WSCD1: variants seen among roughly 807,000 people sequenced by gnomAD.
WSCD1 encodes WSC domain sialate O sulfotransferase 1.
Under a neutral mutation model 60.4 loss-of-function variants are expected in WSCD1, and 41 were observed. That is an observed-to-expected ratio of 0.68 (90% CI 0.53 to 0.88). The LOEUF (loss-of-function observed/expected upper bound fraction) is 0.88, where lower values mean the gene tolerates loss of function less well. WSCD1 is among the 40% of genes least tolerant of loss of function. The pLI, the probability that WSCD1 is intolerant of heterozygous loss-of-function variation, is 0.00. For synonymous variants in WSCD1, 361 were observed against 332.5 expected (o/e 1.09, Z -0.93); for missense variants, 784 against 796.2 (o/e 0.98, Z 0.18).
At chr17:6,081,947 C>G (rs1215839192) in intron 2 of WSCD1, 1 of 152,128 alleles carries the variant, frequency 6.6e-6, no homozygotes. Context: ...GGCCAGCAGG[C>G]TTTGTATTTA....
chr17:6,100,095 G>A (rs1203094731), intron 5 of WSCD1, among the ~76,000 whole-genome samples: 1 of 152,168 alleles, frequency 6.6e-6, no homozygotes, highest in Non-Finnish European at 1.5e-5. Flanking sequence ...GGAGCACGGA[G>A]AGGATGAGAG....
chr17:6,115,532 T>A (rs1911644618), intron 7 of WSCD1, among the ~76,000 whole-genome samples: 1 of 152,174 alleles, frequency 6.6e-6, no homozygotes, highest in Non-Finnish European at 1.5e-5. Context: ...TATTAAAATG[T>A]ATTTCTCTGT....
At chr17:6,112,513 T>C (rs144894318) in intron 7 of WSCD1, among the ~76,000 whole-genome samples, 2 of 152,280 alleles carry the variant, frequency 1.3e-5, no homozygotes, top group East Asian at 3.9e-4. Context: ...GAAGTCCACT[T>C]GTCCCTGTTT....
intron 5 of WSCD1, 149 bp downstream of exon 5, chr17:6,095,372 A>G: frequency 5.3e-6 from 6 of 1,133,172 alleles, no homozygotes; most frequent in Non-Finnish European, 7.1e-6. Flanking sequence ...GGCAGGCACC[A>G]GGTACCACAG....
intron 2 of WSCD1, among the ~76,000 whole-genome samples, chr17:6,081,673 T>C (rs1315360520): frequency 6.6e-6 from 1 of 150,790 alleles, no homozygotes; most frequent in Non-Finnish European, 1.5e-5. Context: ...ATCGGGCCAC[T>C]GCACTCCAGC....
chr17:6,073,317 AC>A (rs1219860818), intron 1 of WSCD1, among the ~76,000 whole-genome samples: 6 of 152,220 alleles, frequency 3.9e-5, no homozygotes, highest in African/African-American at 1.2e-4. Flanking sequence ...GAATAAGTAA[AC>A]AAAATAAGAT....
chr17:6,118,064 G>C lies in WSCD1; in HGVS notation c.1251G>C (p.Glu417Asp), dbSNP rs1421061955. Residue 417 changes from glutamate (E) to aspartate (D), a missense_variant, in exon 8 of 9, where the codon GAG (glutamate) becomes GAC (aspartate). By Grantham distance (45) the Glu-to-Asp change is conservative. Transcript: ENST00000317744. The surrounding 1 kb of genome is among the most constrained non-coding windows in gnomAD (Gnocchi z 5.8). ...CVKTHESGRR[E>D]IEMFDSAILL... ...AAACCCACGAGAGTGGCAGGAGGGA[G>C]ATTGAGATGTTTGATTCAGCCATCC... The C allele has an allele frequency of 2.5e-6, 4 of 1,614,202 alleles. No individual in the cohort carries two copies. Among genetic ancestry groups the C allele is most frequent in the Non-Finnish European group, 3.4e-6 (4 of 1,180,030 alleles).
At position 6,096,466 on chromosome 17, in the gene WSCD1, C is replaced by T. The variant is rs1462197332; in HGVS notation, c.849+1243C>T. ...GGCTGGAGAACAAGGGGGCTGGACACCTCCCTTGGAGGGGGCTGGAGGGGG... is the reference window on the plus strand; with the variant it reads ...GGCTGGAGAACAAGGGGGCTGGACATCTCCCTTGGAGGGGGCTGGAGGGGG... On this transcript the variant is annotated intron_variant, in intron 5 of 8. Transcript: ENST00000317744. Among the ~76,000 whole-genome samples, 6 of 152,220 alleles carry T rather than the reference C, an allele frequency of 3.9e-5. No homozygotes were observed. In the East Asian group the frequency reaches 1.2e-3, roughly 29 times the overall value.
chr17:6,094,844 A>G (rs1358690821), intron 4 of WSCD1, among the ~76,000 whole-genome samples: 1 of 151,726 alleles, frequency 6.6e-6, no homozygotes, highest in Non-Finnish European at 1.5e-5. Context: ...AACTGGCAGA[A>G]GCAAGAGCTG....
intron 2 of WSCD1, among the ~76,000 whole-genome samples, chr17:6,084,582 A>G (rs1909503874): frequency 6.6e-6 from 1 of 152,280 alleles, no homozygotes; most frequent in Admixed American, 6.5e-5. Flanking sequence ...GACAACATCC[A>G]TAATGGAATA....
At chr17:6,077,142 G>T (rs1908917655) in intron 1 of WSCD1, among the ~76,000 whole-genome samples, 1 of 149,056 alleles carries the variant, frequency 6.7e-6, no homozygotes, top group Admixed American at 6.7e-5. Context: ...AGGCTGGAGT[G>T]CAGTGGTGTG....
At chr17:6,093,931 C>T (rs549327529) in intron 4 of WSCD1, among the ~76,000 whole-genome samples, 63 of 152,330 alleles carry the variant, frequency 4.1e-4, no homozygotes, top group African/African-American at 1.4e-3. Context: ...TGCCCTGACA[C>T]GTGCACCACA....
chr17:6,094,617 G>A (rs745750956), intron 4 of WSCD1, among the ~76,000 whole-genome samples: 3 of 149,720 alleles, frequency 2.0e-5, no homozygotes, highest in Admixed American at 6.7e-5. Context: ...GGAGAAGGAA[G>A]GAAGGAAGGT....
At chr17:6,097,385 C>T (rs1910508773) in intron 5 of WSCD1, among the ~76,000 whole-genome samples, 1 of 152,268 alleles carries the variant, frequency 6.6e-6, no homozygotes, top group Non-Finnish European at 1.5e-5. Context: ...CTGGATTGTC[C>T]TGGCTTCTCA....
At chr17:6,076,984 G>C (rs1467158825) in intron 1 of WSCD1, among the ~76,000 whole-genome samples, 5 of 152,164 alleles carry the variant, frequency 3.3e-5, no homozygotes, top group Non-Finnish European at 5.9e-5. Context: ...CTGTGCCCTG[G>C]AGGGGGGCTG....
chr17:6,069,161 C>T (rs1045406209), upstream of WSCD1: 14 of 398,570 alleles, frequency 3.5e-5, no homozygotes, highest in Non-Finnish European at 5.3e-5. Flanking sequence ...GCTCCTGCTG[C>T]CTCTGCTGTC....
intron 5 of WSCD1, among the ~76,000 whole-genome samples, chr17:6,098,186 G>A (rs1910575453): frequency 6.6e-6 from 1 of 151,662 alleles, no homozygotes; most frequent in Non-Finnish European, 1.5e-5. Flanking sequence ...TGCCCAGACT[G>A]GTCTTGAACT....
At chr17:6,099,224 G>T (rs2150555178) in intron 5 of WSCD1, among the ~76,000 whole-genome samples, 1 of 152,148 alleles carries the variant, frequency 6.6e-6, no homozygotes, top group Middle Eastern at 3.4e-3. Flanking sequence ...AACAGAAAAG[G>T]CGGCTTAAAG....
chr17:6,086,617 G>GT (rs1251945964), intron 2 of WSCD1, among the ~76,000 whole-genome samples: 2 of 152,116 alleles, frequency 1.3e-5, no homozygotes, highest in East Asian at 3.9e-4. Context: ...GCCTCCCAAA[G>GT]TGCTGGCATT....
Sources: allele counts gnomAD v4.1 joint callset (sites outside exome capture counted in the v4.1 genomes callset), GRCh38; gene constraint gnomAD v4.1.1; non-coding constraint Gnocchi (gnomAD v3.1); transcripts MANE v1.5; gene names NCBI Gene and HGNC (gene_info 2026-07-23, HGNC 2026-07-21).